MASP1: variants seen among roughly 807,000 people sequenced by gnomAD.
MASP1 encodes the protein mannan-binding lectin serine protease 1.
MASP1 carries 59 observed loss-of-function variants against 77.1 expected under a neutral mutation model. The observed-to-expected ratio is 0.77, with a 90% CI of 0.62 to 0.95. The LOEUF (loss-of-function observed/expected upper bound fraction) is 0.95, where lower values mean the gene tolerates loss of function less well. Among genes scored for constraint, MASP1 ranks in the 40% least tolerant of loss-of-function variants. MASP1 has a pLI of 0.00. For missense variants in MASP1, 885 were observed against 912.9 expected, an observed-to-expected ratio of 0.97 and a Z score of 0.39; for synonymous variants, 362 against 354.5, an observed-to-expected ratio of 1.02 and a Z score of -0.24.
chr3:187,281,401 G>T (rs1251896196), intron 2 of MASP1, among the ~76,000 whole-genome samples: 7 of 152,344 alleles, frequency 4.6e-5, no homozygotes, highest in African/African-American at 7.2e-5. Context: ...GAGTTGGAAG[G>T]TTTCTTAAAC....
intron 2 of MASP1, among the ~76,000 whole-genome samples, chr3:187,285,056 C>CT (rs1334368438): frequency 6.6e-6 from 1 of 152,102 alleles, no homozygotes; most frequent in African/African-American, 2.4e-5. Context: ...GTCTCCACGT[C>CT]TTTTTTAACT....
intron 11 of MASP1, among the ~76,000 whole-genome samples, chr3:187,228,946 T>C (rs1021740211): frequency 6.6e-6 from 1 of 152,158 alleles, no homozygotes. Flanking sequence ...CCTGGTTGGA[T>C]CTGGAGGAGG....
downstream of MASP1, among the ~76,000 whole-genome samples, chr3:187,232,821 G>C (rs774147067): frequency 6.6e-6 from 1 of 152,182 alleles, no homozygotes; most frequent in East Asian, 1.9e-4. Context: ...AGACACGATA[G>C]TCCTTCAAAC....
chr3:187,250,677 G>T (rs1714497928), intron 7 of MASP1, among the ~76,000 whole-genome samples: 1 of 152,090 alleles, frequency 6.6e-6, no homozygotes, highest in Non-Finnish European at 1.5e-5. Flanking sequence ...TAGGCTGCTG[G>T]GCTTCTCCCC....
chr3:187,287,013 A>G (rs1232462582), intron 1 of MASP1, among the ~76,000 whole-genome samples: 2 of 152,008 alleles, frequency 1.3e-5, no homozygotes, highest in African/African-American at 4.8e-5. Flanking sequence ...TTGGAAATCC[A>G]TCTCTCCTCC....
At chr3:187,243,313 C>T in intron 9 of MASP1, 171 bp downstream of exon 9, 1 of 724,406 alleles carries the variant, frequency 1.4e-6, no homozygotes, top group Non-Finnish European at 2.5e-6. Flanking sequence ...CACAGTAACA[C>T]AAGCTCATGA....
Position 187,269,332 on chromosome 3 carries a change from T to C in MASP1, c.238-6612A>G, listed in dbSNP as rs374019314. Among the ~76,000 whole-genome samples, 29 of 152,138 alleles carry C rather than the reference T, an allele frequency of 1.9e-4. 1 individual carries two copies. The highest frequency in any genetic ancestry group is 7.2e-5 in the African/African-American group (3 of 41,408). Reference sequence around the variant, plus strand: ...GTGGAGTGAACTATATTCTGCTACATTGGAGACCCAAAAAGATTTTAAGGG... The same window carrying C: ...GTGGAGTGAACTATATTCTGCTACACTGGAGACCCAAAAAGATTTTAAGGG... On this transcript the variant is annotated intron_variant, in intron 2 of 10. Coordinates refer to ENST00000296280, the MANE Select transcript of MASP1 (RefSeq NM_139125.4).
exon 16 of MASP1, chr3:187,217,648 C>T (rs568288434): frequency 6.6e-6 from 1 of 152,276 alleles, no homozygotes; most frequent in Non-Finnish European, 1.5e-5. Flanking sequence ...GGTTGTTGTC[C>T]TCACAGATAC....
intron 2 of MASP1, among the ~76,000 whole-genome samples, chr3:187,285,408 T>C: frequency 6.6e-6 from 1 of 152,122 alleles, no homozygotes; most frequent in East Asian, 1.9e-4. Flanking sequence ...AAATACTTGA[T>C]CTTTATTTGG....
At chr3:187,237,449 C>A (rs1259229557) in intron 10 of MASP1, among the ~76,000 whole-genome samples, 1 of 152,224 alleles carries the variant, frequency 6.6e-6, no homozygotes, top group Non-Finnish European at 1.5e-5. Flanking sequence ...TAAATTGATG[C>A]CCATGGATTA....
chr3:187,229,938 G>A (rs1225967979), downstream of MASP1: 1 of 1,612,260 alleles, frequency 6.2e-7, no homozygotes, highest in Non-Finnish European at 8.5e-7. Flanking sequence ...TCAGACTCTG[G>A]GCTCCATCTT....
intron 2 of MASP1, among the ~76,000 whole-genome samples, chr3:187,279,368 C>T (rs189191240): frequency 1.3e-5 from 2 of 152,312 alleles, no homozygotes; most frequent in Non-Finnish European, 2.9e-5. Flanking sequence ...CAGGAAGCTG[C>T]AAGAGTTGCC....
Position 187,243,535 on chromosome 3 carries a change from T to C in MASP1, c.1177A>G (p.Ile393Val). Residue 393 changes from isoleucine (I) to valine (V), a missense_variant, in exon 9 of 11, where the codon ATC (isoleucine) becomes GTC (valine). Ile to Val is a conservative substitution (Grantham distance 29). Coordinates refer to ENST00000296280, the MANE Select transcript of MASP1 (RefSeq NM_139125.4). ...TAGGGCTCCTGACAGGAGTATTTGA[T>C]CTCAGACTTGTATGTGGTGAGGTTG... ...RNNLTTYKSE[I>V]KYSCQEPYYK... 2 of 1,614,122 alleles carry C rather than the reference T, an allele frequency of 1.2e-6. No homozygotes were observed. Among genetic ancestry groups the C allele is most frequent in the Non-Finnish European group, 1.7e-6 (2 of 1,179,980 alleles).
intron 10 of MASP1, among the ~76,000 whole-genome samples, chr3:187,240,710 T>G (rs1713566843): frequency 6.6e-6 from 1 of 152,150 alleles, no homozygotes; most frequent in Admixed American, 6.5e-5. Context: ...CAGCTCACTG[T>G]AGCCTCTGCC....
At chr3:187,262,802 G>A in intron 2 of MASP1, 82 bp from the exon 3 acceptor site, 3 of 1,326,472 alleles carry the variant, frequency 2.3e-6, no homozygotes, top group Non-Finnish European at 3.2e-6. Context: ...GAAAAAGGAA[G>A]GGGCCACCCA....
At chr3:187,247,503 C>G in intron 8 of MASP1, 1 of 1,111,168 alleles carries the variant, frequency 9.0e-7, no homozygotes, top group Non-Finnish European at 1.4e-6. Context: ...GCAGGAAATA[C>G]AGAAATTACT....
In MASP1 at chr3:187,243,574, A is replaced by G; in HGVS notation, c.1138T>C (p.Phe380Leu). Residue 380 changes from phenylalanine (F) to leucine (L), a missense_variant, in exon 9 of 11, where the codon TTC becomes CTC. By Grantham distance (22) the Phe-to-Leu change is conservative. Transcript: ENST00000296280. Reference sequence around the variant, plus strand: ...GTGGTGAGGTTGTTCCTTGTAGAGAAGGTGATCAGCCCGTGTTCCAGCTCT... The same window carrying G: ...GTGGTGAGGTTGTTCCTTGTAGAGAGGGTGATCAGCCCGTGTTCCAGCTCT... ...PGELEHGLIT[F>L]STRNNLTTYK... 2.5e-6 allele frequency: 4 copies of G among 1,614,198 alleles called. No individual in the cohort carries two copies. The highest frequency in any genetic ancestry group is 2.5e-6 in the Non-Finnish European group (3 of 1,180,032).
intron 1 of MASP1, among the ~76,000 whole-genome samples, chr3:187,289,814 G>A (rs1231885246): frequency 6.6e-6 from 1 of 152,174 alleles, no homozygotes; most frequent in Non-Finnish European, 1.5e-5. Context: ...GATCATCAGT[G>A]TGGTTTGGGC....
intron 8 of MASP1, among the ~76,000 whole-genome samples, chr3:187,249,871 A>C (rs540994343): frequency 6.6e-6 from 1 of 152,336 alleles, no homozygotes; most frequent in East Asian, 1.9e-4. Context: ...GCTGATGGCC[A>C]TGTGAAGACT....
Sources: gnomAD v4.1 joint callset for allele counts (sites outside exome capture counted in the v4.1 genomes callset) on GRCh38, gnomAD v4.1.1 for gene constraint, MANE v1.5 for transcripts, NCBI Gene and HGNC (gene_info 2026-07-23, HGNC 2026-07-21) for gene names.